NLRP8: variants seen among roughly 807,000 people sequenced by gnomAD.
NLRP8 encodes the protein NLR family pyrin domain containing 8.
Under a neutral mutation model 88.7 loss-of-function variants are expected in NLRP8, and 86 were observed. The ratio of observed to expected loss-of-function variants is 0.97; its 90% CI spans 0.81 to 1.16. The LOEUF is 1.16. Among genes scored for constraint, NLRP8 ranks in the 50% most tolerant of loss-of-function variants. The pLI is 0.00. For missense variants in NLRP8, 1,342 were observed against 1,286.5 expected (o/e 1.04, Z -0.66); for synonymous variants, 504 against 494.6 (o/e 1.02, Z -0.25).
intron 3 of NLRP8, among the ~76,000 whole-genome samples, chr19:55,958,133 G>A (rs1408205734): frequency 1.3e-5 from 2 of 152,156 alleles, no homozygotes; most frequent in African/African-American, 2.4e-5. Flanking sequence ...CGAGAAGAGA[G>A]AGGCGATTTA....
At chr19:55,959,519 A>T (rs199765837) in intron 3 of NLRP8, among the ~76,000 whole-genome samples, 1 of 151,590 alleles carries the variant, frequency 6.6e-6, no homozygotes, top group Non-Finnish European at 1.5e-5. Flanking sequence ...GCCAGGGTGT[A>T]TTTTTTTAAA....
At chr19:55,952,398 C>A in intron 1 of NLRP8, 140 bp from the exon 2 acceptor site, 1 of 642,512 alleles carries the variant, frequency 1.6e-6, no homozygotes, top group Admixed American at 2.6e-5. Flanking sequence ...TTTTCTTCTC[C>A]CTGAACGGAG....
At chr19:55,966,481 A>G (rs1473887970) in intron 5 of NLRP8, 101 bp downstream of exon 5, 3 of 1,159,840 alleles carry the variant, frequency 2.6e-6, no homozygotes, top group African/African-American at 1.6e-5. Context: ...CTTTCCTTTG[A>G]TCTGCTGTTG....
rs908087026 is a variant in NLRP8, at chr19:55,948,394, A to G, written c.367+125A>G. ...AGAAAGCAAACAGTGGAGGAAGATA[A>G]TGGATCTAACCCAAAGGCAAAGACT... On this transcript the variant is annotated intron_variant, in intron 1 of 9. Coordinates refer to ENST00000291971, the MANE Select transcript of NLRP8 (RefSeq NM_176811.2). 1.6e-5 allele frequency: 16 copies of G among 1,016,336 alleles called. No homozygotes were observed. The African/African-American group carries it at 2.2e-4, about 14-fold the overall frequency. 63.0% of individuals were successfully genotyped at this position (1,016,336 alleles called of 1,614,324 possible). A position where few individuals can be genotyped will look rare whatever the true frequency, so the allele number is the denominator to read the frequency against.
chr19:55,954,026 C>T (rs1434463373), intron 2 of NLRP8, among the ~76,000 whole-genome samples: 1 of 151,774 alleles, frequency 6.6e-6, no homozygotes, highest in African/African-American at 2.4e-5. Context: ...TGGTCTTGAA[C>T]TCCTGACCCC....
intron 3 of NLRP8, among the ~76,000 whole-genome samples, chr19:55,960,679 A>G (rs777585238): frequency 3.3e-5 from 5 of 152,098 alleles, no homozygotes; most frequent in Non-Finnish European, 7.4e-5. Flanking sequence ...TATGTATTTG[A>G]CGGATGTGAA....
At chr19:55,953,540 A>C (rs964288300) in intron 2 of NLRP8, among the ~76,000 whole-genome samples, 1 of 151,756 alleles carries the variant, frequency 6.6e-6, no homozygotes, top group African/African-American at 2.4e-5. Flanking sequence ...TCTGTCGCCC[A>C]GGCTGGAGTG....
rs1413922762 is a variant in NLRP8, at chr19:55,962,394, G to A, written c.2213+157G>A. 2.6e-5 allele frequency among the ~76,000 whole-genome samples: 4 copies of A among 152,308 alleles called. No individual in the cohort carries two copies. In the East Asian group the frequency reaches 7.7e-4, roughly 29 times the overall value. On this transcript the variant is annotated intron_variant, in intron 4 of 9. Coordinates refer to ENST00000291971, the MANE Select transcript of NLRP8 (RefSeq NM_176811.2). ...AGGAGGAATGAGTCATGGGGTGCGTGGTGAAGGAAACCACACACGGGAGCC... is the reference window on the plus strand; with the variant it reads ...AGGAGGAATGAGTCATGGGGTGCGTAGTGAAGGAAACCACACACGGGAGCC...
Position 55,970,713 on chromosome 19 carries a change from G to C in NLRP8, c.2534+17G>C, listed in dbSNP as rs1980039535. On this transcript the variant is annotated intron_variant, in intron 6 of 9. Transcript: ENST00000291971. Reference sequence around the variant, plus strand: ...GAGGCTGTCGTAAGTCTCCTTTCTAGTGGCTGTGGTTGTGGTTGTGGTTGT... The same window carrying C: ...GAGGCTGTCGTAAGTCTCCTTTCTACTGGCTGTGGTTGTGGTTGTGGTTGT... 1.9e-6 allele frequency: 3 copies of C among 1,613,606 alleles called. No homozygotes were observed. The highest frequency in any genetic ancestry group is 2.5e-6 in the Non-Finnish European group (3 of 1,179,794).
intron 8 of NLRP8, among the ~76,000 whole-genome samples, chr19:55,978,067 A>G (rs1023147720): frequency 2.0e-5 from 3 of 152,096 alleles, no homozygotes; most frequent in Admixed American, 6.6e-5. Context: ...GTATGAGATT[A>G]TTATTATTTT....
chr19:55,965,135 A>G (rs1979781833), intron 4 of NLRP8, among the ~76,000 whole-genome samples: 3 of 152,104 alleles, frequency 2.0e-5, no homozygotes, highest in Non-Finnish European at 4.4e-5. Context: ...AAATTTTTCT[A>G]AAAAGAAAGT....
chr19:55,967,677 C>T (rs973108227), intron 5 of NLRP8, among the ~76,000 whole-genome samples: 7 of 152,170 alleles, frequency 4.6e-5, no homozygotes, highest in Non-Finnish European at 7.3e-5. Context: ...GGCATCTCTT[C>T]GATGGACTGA....
Position 55,954,515 on chromosome 19 carries a change from T to C in NLRP8, c.457T>C (p.Tyr153His), listed in dbSNP as rs1262457622. The C allele has an allele frequency of 1.1e-5, 17 of 1,613,728 alleles. No individual in the cohort carries two copies. The highest frequency in any genetic ancestry group is 1.4e-5 in the Non-Finnish European group (16 of 1,179,836). The change falls in exon 3 of 10, where the codon TAT becomes CAT. Residue 153 changes from tyrosine (Y) to histidine (H), a missense_variant. Coordinates refer to ENST00000291971, the MANE Select transcript of NLRP8 (RefSeq NM_176811.2). The stretch of plus-strand genomic sequence containing the variant: ...CACAAATCTAGGTAAAATACGGCGG[T>C]ATAAATCGAATGTGATGGAAAAGTT...
At chr19:55,957,446 GA>G (rs1979403053) in intron 3 of NLRP8, among the ~76,000 whole-genome samples, 2 of 151,782 alleles carry the variant, frequency 1.3e-5, no homozygotes, top group South Asian at 4.1e-4. Flanking sequence ...AGCACTTTGG[GA>G]GGCCGAGGCA....
At chr19:55,964,758 A>G (rs1236884612) in intron 4 of NLRP8, among the ~76,000 whole-genome samples, 12 of 151,894 alleles carry the variant, frequency 7.9e-5, no homozygotes, top group Non-Finnish European at 1.8e-4. Context: ...TCTCAAAAAA[A>G]AAAAAAAGAA....
chr19:55,978,397 A>T (rs1354339710), intron 8 of NLRP8, among the ~76,000 whole-genome samples: 2 of 152,042 alleles, frequency 1.3e-5, no homozygotes, highest in African/African-American at 2.4e-5. Flanking sequence ...GAATACCTGA[A>T]ATTGCATGAC....
intron 4 of NLRP8, among the ~76,000 whole-genome samples, chr19:55,962,587 C>T (rs778953371): frequency 2.6e-5 from 4 of 152,138 alleles, no homozygotes; most frequent in Admixed American, 6.5e-5. Context: ...CACTTCAATG[C>T]GCCCATCCAT....
chr19:55,955,630 A>G lies in NLRP8; in HGVS notation c.1572A>G (p.Pro524=). 1.2e-6 allele frequency: 2 copies of G among 1,614,164 alleles called. No homozygotes were observed. Among genetic ancestry groups the G allele is most frequent in the Non-Finnish European group, 1.7e-6 (2 of 1,180,024 alleles). ...CCTTGTTTTATGTTCTCTGTTTCCC[A>G]CAAAGACTCAAAAATTTTCATGTGT... The change falls in exon 3 of 10, where the codon CCA becomes CCG. Residue 524 remains proline (P), a synonymous_variant. Transcript: ENST00000291971.
chr19:55,977,038 C>T (rs1315185667), intron 8 of NLRP8, among the ~76,000 whole-genome samples: 1 of 148,062 alleles, frequency 6.8e-6, no homozygotes, highest in Non-Finnish European at 1.5e-5. Flanking sequence ...CGAGATCACA[C>T]CACTGTACTC....
Sources: gnomAD v4.1 joint callset for allele counts (sites outside exome capture counted in the v4.1 genomes callset) on GRCh38, gnomAD v4.1.1 for gene constraint, MANE v1.5 for transcripts, NCBI Gene and HGNC (gene_info 2026-07-23, HGNC 2026-07-21) for gene names.